Variants in HES1 observed in about 807,000 individuals in gnomAD.
HES1 encodes the protein transcription factor HES-1.
Under a neutral mutation model 21.0 loss-of-function variants are expected in HES1, and 7 were observed. The ratio of observed to expected loss-of-function variants is 0.33; its 90% CI spans 0.19 to 0.63. The LOEUF (loss-of-function observed/expected upper bound fraction) is 0.63. Among genes scored for constraint, HES1 ranks in the 20% least tolerant of loss-of-function variants. The probability of loss-of-function intolerance (pLI) is 0.78; values close to 1 mark genes in which losing one functional copy is unlikely to be tolerated. For missense variants in HES1, 338 were observed against 389.8 expected (o/e 0.87, Z 1.12); for synonymous variants, 169 against 171.2 (o/e 0.99, Z 0.10).
In HES1 at chr3:194,138,410, A is replaced by G. The variant is rs1715401711; in HGVS notation, c.*177A>G. 4 of 500,240 alleles carry G rather than the reference A, an allele frequency of 8.0e-6. No individual in the cohort carries two copies. The highest frequency in any genetic ancestry group is 1.0e-5 in the Non-Finnish European group (3 of 299,022). The allele number at this position is 500,240 out of a possible 1,614,324, so 31.0% of individuals were successfully genotyped here. On this transcript the variant is annotated 3_prime_UTR_variant, in exon 4 of 4. Transcript: ENST00000232424. ...TAGAGAGAGCTGTATTAAGTGACTG[A>G]CCATGCACTATATTTGTATATATTT... is the stretch of plus-strand genomic sequence containing the variant.
chr3:194,138,518 T>A lies in HES1; in HGVS notation c.*285T>A, dbSNP rs940641317. Reference sequence around the variant, plus strand: ...TTTTACACGAGATTTCTTTTTTATGTGATGCCAAAGATGTTTGAAAATGCT... The same window carrying A: ...TTTTACACGAGATTTCTTTTTTATGAGATGCCAAAGATGTTTGAAAATGCT... On this transcript the variant is annotated 3_prime_UTR_variant, in exon 4 of 4. Transcript: ENST00000232424. 2.5e-5 allele frequency: 8 copies of A among 319,328 alleles called. No individual in the cohort carries two copies. The highest frequency in any genetic ancestry group is 4.2e-5 in the African/African-American group (2 of 47,090). The allele number at this position is 319,328 out of a possible 1,614,324, so 19.8% of individuals were successfully genotyped here.
At chr3:194,136,806 C>A in intron 2 of HES1, 94 bp downstream of exon 2, 2 of 1,381,786 alleles carry the variant, frequency 1.4e-6, no homozygotes, top group Non-Finnish European at 2.1e-6. Context: ...GGGTCTGGCA[C>A]TCGCTGGTAC....
rs775921226 is a variant in HES1, at chr3:194,137,079, G to A, written c.292+31G>A. 3.8e-6 allele frequency: 6 copies of A among 1,580,370 alleles called. No individual in the cohort carries two copies. In the Admixed American group the frequency reaches 8.3e-5, roughly 22 times the overall value. ...GGCGGCTCGCCGCGTCCCCCTGTGC[G>A]GGCGTCCCGCTCGCCTCGCGGTGAT... On this transcript the variant is annotated intron_variant, in intron 3 of 3. Coordinates refer to ENST00000232424, the MANE Select transcript of HES1 (RefSeq NM_005524.4). The surrounding 1 kb of genome is among the most constrained non-coding windows in gnomAD (Gnocchi z 5.4).
intron 1 of HES1, 62 bp from the exon 2 acceptor site, chr3:194,136,555 T>C (rs1715343300): frequency 6.4e-7 from 1 of 1,564,978 alleles, no homozygotes; most frequent in Non-Finnish European, 8.7e-7. Flanking sequence ...GGCTTCTTTC[T>C]GTCTTGAAAC....
Position 194,137,710 on chromosome 3 carries a change from T to C in HES1, c.320T>C (p.Leu107Pro). The C allele has an allele frequency of 1.2e-6, 2 of 1,613,116 alleles. No homozygotes were observed. Among genetic ancestry groups the C allele is most frequent in the Non-Finnish European group, 1.7e-6 (2 of 1,179,552 alleles). The change falls in exon 4 of 4, where the codon CTG becomes CCG. Residue 107 changes from leucine to proline, a missense_variant. Physicochemically the swap from Leu to Pro is moderately conservative, Grantham distance 98 (BLOSUM62 -3). Coordinates refer to ENST00000232424, the MANE Select transcript of HES1 (RefSeq NM_005524.4). The surrounding 1 kb of genome is among the most constrained non-coding windows in gnomAD (Gnocchi z 5.4). ...GCGCTGAGCACAGACCCAAGTGTGC[T>C]GGGGAAGTACCGAGCCGGCTTCAGC... ...TAALSTDPSV[L>P]GKYRAGFSEC... is the part of the protein sequence containing the mutation.
chr3:194,137,951 C>G lies in HES1; in HGVS notation c.561C>G (p.Leu187=). 5 of 1,337,394 alleles carry G rather than the reference C, an allele frequency of 3.7e-6. No individual in the cohort carries two copies. Among genetic ancestry groups the G allele is most frequent in the Non-Finnish European group, 4.8e-6 (5 of 1,043,060 alleles). The allele number at this position is 1,337,394 out of a possible 1,614,324, so 82.8% of individuals were successfully genotyped here. A position where few individuals can be genotyped will look rare whatever the true frequency, so the allele number is the denominator to read the frequency against. The change falls in exon 4 of 4, where the codon CTC becomes CTG. Residue 187 remains leucine (L), a synonymous_variant. Transcript: ENST00000232424. This position sits in a 1 kb window ranked among gnomAD's most constrained non-coding sequence, Gnocchi z 5.4. ...CGCCGTTCGCGCCGCCGCCGCCACT[C>G]GTGCCCATCCCCGGGGGCGCGGCGC... The part of the protein sequence containing the change: ...QHAPFAPPPP[L]VPIPGGAAPP...
chr3:194,138,187 GC>G lies in HES1; in HGVS notation c.801del (p.Ser268ArgfsTer48). 6.2e-7 allele frequency: 1 copy of G among 1,600,614 alleles called. No individual in the cohort carries two copies. Among genetic ancestry groups the G allele is most frequent in the Non-Finnish European group, 8.5e-7 (1 of 1,174,296 alleles). ...VGPNAVSPSS[G>X]PSLTADSMWR... is the part of the protein sequence containing the mutation. ...CCCAACGCAGTGTCACCTTCCAGCGGCCCCTCGCTTACGGCGGACTCCATGT... is the reference window on the plus strand; with the variant it reads ...CCCAACGCAGTGTCACCTTCCAGCGGCCCTCGCTTACGGCGGACTCCATGT... On this transcript the variant is annotated frameshift_variant, in exon 4 of 4. Coordinates refer to ENST00000232424, the MANE Select transcript of HES1 (RefSeq NM_005524.4). LOFTEE classifies it high-confidence loss of function.
rs368074565 is a variant in HES1, at chr3:194,138,180, T to A, written c.790T>A (p.Ser264Thr). The A allele has an allele frequency of 4.9e-5, 79 of 1,607,198 alleles. No homozygotes were observed. The highest frequency in any genetic ancestry group is 6.2e-5 in the Non-Finnish European group (73 of 1,177,432). The part of the protein sequence containing the change: ...TSVGPNAVSP[S>T]SGPSLTADSM... ...CGTGGGCCCCAACGCAGTGTCACCT[T>A]CCAGCGGCCCCTCGCTTACGGCGGA... The change falls in exon 4 of 4, where the codon TCC (serine) becomes ACC (threonine). Residue 264 changes from serine (S) to threonine (T), a missense_variant. Coordinates refer to ENST00000232424, the MANE Select transcript of HES1 (RefSeq NM_005524.4).
At position 194,137,822 on chromosome 3, in the gene HES1, C is replaced by G; in HGVS notation, c.432C>G (p.Ala144=). The G allele has an allele frequency of 6.2e-7, 1 of 1,613,284 alleles. No individual in the cohort carries two copies. Among genetic ancestry groups the G allele is most frequent in the African/African-American group, 1.3e-5 (1 of 75,042 alleles). ...GCACTCGGCTGCTCGGCCACCTGGC[C>G]AACTGCATGACCCAGATCAATGCCA... The part of the protein sequence containing the change: ...EVRTRLLGHL[A]NCMTQINAMT... The change falls in exon 4 of 4, where the codon GCC becomes GCG. Residue 144 remains alanine, a synonymous_variant. Coordinates refer to ENST00000232424, the MANE Select transcript of HES1 (RefSeq NM_005524.4). The surrounding 1 kb of genome is among the most constrained non-coding windows in gnomAD (Gnocchi z 5.4).
Position 194,136,307 on chromosome 3 carries a change from A to G in HES1, c.-74A>G. On this transcript the variant is annotated 5_prime_UTR_variant, in exon 1 of 4. Coordinates refer to ENST00000232424, the MANE Select transcript of HES1 (RefSeq NM_005524.4). ...TGAAAGTCTCAAGTAAAAGAGACAC[A>G]AACAAAAAATTCTTTTTCGTGAAGA... The G allele has an allele frequency of 2.2e-6, 2 of 913,246 alleles. No individual in the cohort carries two copies. The highest frequency in any genetic ancestry group is 2.6e-5 in the East Asian group (1 of 37,896). The allele number at this position is 913,246 out of a possible 1,614,324, so 56.6% of individuals were successfully genotyped here.
In HES1 at chr3:194,136,471, G is replaced by A. The variant is rs931596246; in HGVS notation, c.91G>A (p.Ala31Thr). 7.5e-6 allele frequency: 12 copies of A among 1,609,798 alleles called. No homozygotes were observed. Among genetic ancestry groups the A allele is most frequent in the Non-Finnish European group, 1.0e-5 (12 of 1,178,548 alleles). The change falls in exon 1 of 4, where the codon GCA becomes ACA. Residue 31 changes from alanine (A) to threonine (T), a missense_variant. By Grantham distance (58) the Ala-to-Thr change is moderately conservative (BLOSUM62 0). Coordinates refer to ENST00000232424, the MANE Select transcript of HES1 (RefSeq NM_005524.4). ...CACGACACCGGATAAACCAAAGACA[G>A]CATCTGAGCACAGAAAGGTAAGGGC... is the stretch of plus-strand genomic sequence containing the variant. Reference protein sequence around the residue: ...VNTTPDKPKTASEHRKSSKPI... With the variant: ...VNTTPDKPKTTSEHRKSSKPI...
Position 194,137,305 on chromosome 3 carries a change from G to A in HES1, c.292+257G>A. On this transcript the variant is annotated intron_variant, in intron 3 of 3. Coordinates refer to ENST00000232424, the MANE Select transcript of HES1 (RefSeq NM_005524.4). The surrounding 1 kb of genome is among the most constrained non-coding windows in gnomAD (Gnocchi z 5.4). ...GGGCGAAAGGACTTAGGACTGTGGC[G>A]GTTTGGAACTGCGTGGAGCCTGGGG... 5.1e-6 allele frequency: 3 copies of A among 589,276 alleles called. No homozygotes were observed. The highest frequency in any genetic ancestry group is 9.1e-6 in the Non-Finnish European group (3 of 330,484). The allele number at this position is 589,276 out of a possible 1,614,324, so 36.5% of individuals were successfully genotyped here.
At chr3:194,136,822 T>A (rs763345651) in intron 2 of HES1, 110 bp downstream of exon 2, 296 of 1,374,392 alleles carry the variant, frequency 2.2e-4, no homozygotes, top group Non-Finnish European at 3.0e-4. Context: ...GGTACTGCGT[T>A]CTCCCAGGCG....
At position 194,137,047 on chromosome 3, in the gene HES1, G is replaced by C. The variant is rs754761992; in HGVS notation, c.291G>C (p.Thr97=). 1.5e-5 allele frequency: 24 copies of C among 1,613,544 alleles called. No individual in the cohort carries two copies. The highest frequency in any genetic ancestry group is 1.9e-5 in the Non-Finnish European group (22 of 1,179,578). The change falls in exon 3 of 4, where the codon ACG becomes ACC. Residue 97 remains threonine, a splice_region_variant and synonymous_variant. Coordinates refer to ENST00000232424, the MANE Select transcript of HES1 (RefSeq NM_005524.4). The surrounding 1 kb of genome is among the most constrained non-coding windows in gnomAD (Gnocchi z 5.4). ...HLRNLQRAQM[T]AALSTDPSVL... ...GGAACCTGCAGCGGGCGCAGATGAC[G>C]GGTGAGGGCGGCTCGCCGCGTCCCC...
Position 194,137,916 on chromosome 3 carries a change from C to T in HES1, c.526C>T (p.Pro176Ser), listed in dbSNP as rs202025564. Residue 176 changes from proline (P) to serine (S), a missense_variant, in exon 4 of 4, where the codon CCC becomes TCC. Physicochemically the swap from Pro to Ser is moderately conservative, Grantham distance 74. Transcript: ENST00000232424. The surrounding 1 kb of genome is among the most constrained non-coding windows in gnomAD (Gnocchi z 5.4). ...ACCGCCCCCACCGGGACCCGGCGGC[C>T]CCCAGCACGCGCCGTTCGCGCCGCC... ...PPPPPPGPGG[P>S]QHAPFAPPPP... The T allele has an allele frequency of 3.5e-5, 48 of 1,375,264 alleles. No homozygotes were observed. In the African/African-American group the frequency reaches 5.5e-4, roughly 16 times the overall value. The allele number at this position is 1,375,264 out of a possible 1,614,324, so 85.2% of individuals were successfully genotyped here. A position where few individuals can be genotyped will look rare whatever the true frequency, so the allele number is the denominator to read the frequency against.
Position 194,137,865 on chromosome 3 carries a change from C to A in HES1, c.475C>A (p.Pro159Thr), listed in dbSNP as rs775245326. Reference protein sequence around the residue: ...QINAMTYPGQPHPALQAPPPP... With the variant: ...QINAMTYPGQTHPALQAPPPP... Reference sequence around the variant, plus strand: ...CAATGCCATGACCTACCCCGGGCAGCCGCACCCCGCCTTGCAGGCGCCGCC... The same window carrying A: ...CAATGCCATGACCTACCCCGGGCAGACGCACCCCGCCTTGCAGGCGCCGCC... Residue 159 changes from proline (P) to threonine (T), a missense_variant, in exon 4 of 4, where the codon CCG (proline) becomes ACG (threonine). Transcript: ENST00000232424. The surrounding 1 kb of genome is among the most constrained non-coding windows in gnomAD (Gnocchi z 5.4). The A allele has an allele frequency of 6.6e-7, 1 of 1,513,450 alleles. No homozygotes were observed. Among genetic ancestry groups the A allele is most frequent in the Non-Finnish European group, 8.9e-7 (1 of 1,126,656 alleles). 93.8% of individuals were successfully genotyped at this position (1,513,450 alleles called of 1,614,324 possible). A position where few individuals can be genotyped will look rare whatever the true frequency, so the allele number is the denominator to read the frequency against.
Position 194,137,532 on chromosome 3 carries a change from G to A in HES1, c.293-151G>A. The A allele has an allele frequency of 1.3e-6, 1 of 782,286 alleles. No homozygotes were observed. Among genetic ancestry groups the A allele is most frequent in the Non-Finnish European group, 1.9e-6 (1 of 515,102 alleles). The allele number at this position is 782,286 out of a possible 1,614,324, so 48.5% of individuals were successfully genotyped here. On this transcript the variant is annotated intron_variant, in intron 3 of 3. Transcript: ENST00000232424. The surrounding 1 kb of genome is among the most constrained non-coding windows in gnomAD (Gnocchi z 5.4). ...CAACGCTAGTGTGGAGAGGTGGCTG[G>A]TTTTTTCTAAACCCATCTCACCCTC...
In HES1 at chr3:194,137,075, G is replaced by A. The variant is rs772146327; in HGVS notation, c.292+27G>A. ...TGAGGGCGGCTCGCCGCGTCCCCCT[G>A]TGCGGGCGTCCCGCTCGCCTCGCGG... On this transcript the variant is annotated intron_variant, in intron 3 of 3. Transcript: ENST00000232424. This position sits in a 1 kb window ranked among gnomAD's most constrained non-coding sequence, Gnocchi z 5.4. 1 of 1,591,598 alleles carries A rather than the reference G, an allele frequency of 6.3e-7. No individual in the cohort carries two copies. The highest frequency in any genetic ancestry group is 8.6e-7 in the Non-Finnish European group (1 of 1,159,910).
chr3:194,137,140 T>C lies in HES1; in HGVS notation c.292+92T>C. On this transcript the variant is annotated intron_variant, in intron 3 of 3. Coordinates refer to ENST00000232424, the MANE Select transcript of HES1 (RefSeq NM_005524.4). The surrounding 1 kb of genome is among the most constrained non-coding windows in gnomAD (Gnocchi z 5.4). ...CTTCCGCCCGTGGTTGTGAGAGGCA[T>C]TCAGCTACATTTTACTGCCTTGGCT... is the stretch of plus-strand genomic sequence containing the variant. 9.4e-7 allele frequency: 1 copy of C among 1,067,148 alleles called. No individual in the cohort carries two copies. The highest frequency in any genetic ancestry group is 1.5e-6 in the Non-Finnish European group (1 of 689,140). 66.1% of individuals were successfully genotyped at this position (1,067,148 alleles called of 1,614,324 possible).
Sources: allele counts gnomAD v4.1 joint callset, GRCh38; gene constraint gnomAD v4.1.1; non-coding constraint Gnocchi (gnomAD v3.1); transcripts MANE v1.5; gene names NCBI Gene and HGNC (gene_info 2026-07-23, HGNC 2026-07-21).